Variants in WWOX observed in about 807,000 individuals in gnomAD.
The protein encoded by WWOX is WW domain containing oxidoreductase.
A neutral mutation model predicts 46.2 loss-of-function variants in WWOX; 69 were observed. That is an observed-to-expected ratio of 1.49 (90% CI 1.23 to 1.82). WWOX has a LOEUF of 1.82. WWOX is among the 40% of genes most tolerant of loss of function. The pLI, the probability that WWOX is intolerant of heterozygous loss-of-function variation, is 0.00. For missense variants in WWOX, 919 were observed against 542.6 expected (o/e 1.69, Z -6.89); for synonymous variants, 359 against 202.6 (o/e 1.77, Z -6.56).
chr16:78,670,394 G>C (rs939280852), intron 8 of WWOX, among the ~76,000 whole-genome samples: 1 of 152,188 alleles, frequency 6.6e-6, no homozygotes, highest in East Asian at 1.9e-4. Flanking sequence ...AGCATTATGA[G>C]CATTGCAGTG....
In WWOX at chr16:79,095,736, G is replaced by T. The variant is rs147107301; in HGVS notation, c.1057-115872G>T. Among the ~76,000 whole-genome samples, 32 of 152,140 alleles carry T rather than the reference G, an allele frequency of 2.1e-4. No individual in the cohort carries two copies. The Middle Eastern group carries it at 0.014, about 65-fold the overall frequency. On this transcript the variant is annotated intron_variant, in intron 8 of 8. Transcript: ENST00000566780. ...GTTCTTCTCAACGGAGTTTACATGT[G>T]AGAGGAGCAAGGGACAAACCTCACA...
intron 8 of WWOX, among the ~76,000 whole-genome samples, chr16:79,067,468 C>T (rs1482298990): frequency 6.6e-6 from 1 of 152,114 alleles, no homozygotes; most frequent in Non-Finnish European, 1.5e-5. Flanking sequence ...CTGAGATGCT[C>T]TTCTCGGCTC....
intron 8 of WWOX, among the ~76,000 whole-genome samples, chr16:78,584,814 A>G (rs2045153701): frequency 6.6e-6 from 1 of 152,230 alleles, no homozygotes; most frequent in Non-Finnish European, 1.5e-5. Context: ...GGCCGTGTGC[A>G]CGTGTAAAAG....
intron 8 of WWOX, among the ~76,000 whole-genome samples, chr16:78,883,471 C>T (rs572641188): frequency 2.0e-5 from 3 of 152,246 alleles, no homozygotes; most frequent in African/African-American, 7.2e-5. Flanking sequence ...TGCCCGAAAT[C>T]CCAGCATTGC....
intron 8 of WWOX, among the ~76,000 whole-genome samples, chr16:78,725,338 T>TC (rs2048800627): frequency 3.5e-5 from 4 of 115,638 alleles, no homozygotes; most frequent in Non-Finnish European, 5.1e-5. Flanking sequence ...TCTTTTCTTT[T>TC]CTTTTCTTTT....
chr16:78,963,777 C>G (rs1335012885), intron 8 of WWOX, among the ~76,000 whole-genome samples: 1 of 152,148 alleles, frequency 6.6e-6, no homozygotes, highest in Admixed American at 6.6e-5. Context: ...GTGCTACTGA[C>G]TTGCTGATAT....
chr16:78,306,091 G>A (rs559823608), intron 5 of WWOX, among the ~76,000 whole-genome samples: 5 of 151,894 alleles, frequency 3.3e-5, no homozygotes, highest in African/African-American at 7.3e-5. Flanking sequence ...AAGCATTTGC[G>A]TCTCGCTGCC....
intron 8 of WWOX, among the ~76,000 whole-genome samples, chr16:78,922,063 G>T (rs2045391599): frequency 6.6e-6 from 1 of 152,178 alleles, no homozygotes; most frequent in South Asian, 2.1e-4. Context: ...AGTATGCATG[G>T]AATATTGTCA....
chr16:78,798,358 A>T (rs1031923945), intron 8 of WWOX, among the ~76,000 whole-genome samples: 3 of 152,320 alleles, frequency 2.0e-5, no homozygotes, highest in Non-Finnish European at 4.4e-5. Flanking sequence ...TAGAGGTCAG[A>T]TGTCAAAAAA....
At chr16:78,169,927 G>C (rs1454575051) in intron 5 of WWOX, among the ~76,000 whole-genome samples, 3 of 152,170 alleles carry the variant, frequency 2.0e-5, no homozygotes, top group Non-Finnish European at 2.9e-5. Context: ...CATTAGTATA[G>C]CGAGGGGCCC....
chr16:79,118,749 TG>T (rs1330893511), intron 8 of WWOX, among the ~76,000 whole-genome samples: 1 of 152,242 alleles, frequency 6.6e-6, no homozygotes, highest in Admixed American at 6.5e-5. Context: ...TTGTGTTGTG[TG>T]GTGTTTGTCC....
intron 8 of WWOX, among the ~76,000 whole-genome samples, chr16:79,011,495 ATTTATTTATTTT>A (rs1277363806): frequency 5.6e-4 from 79 of 140,824 alleles, no homozygotes; most frequent in Admixed American, 1.1e-3. Context: ...TTATTTATTT[ATTTATTTATTTT>A]TTGAGACAGG....
At chr16:78,351,647 G>T (rs567088066) in intron 5 of WWOX, among the ~76,000 whole-genome samples, 11 of 152,124 alleles carry the variant, frequency 7.2e-5, no homozygotes, top group Admixed American at 2.6e-4. Context: ...GCCCTGCGTG[G>T]CTATGCATGT....
At chr16:78,709,487 A>C (rs1323179336) in intron 8 of WWOX, among the ~76,000 whole-genome samples, 3 of 152,124 alleles carry the variant, frequency 2.0e-5, no homozygotes, top group Admixed American at 6.5e-5. Context: ...TATTCTGTTC[A>C]TCTCTGACAC....
intron 8 of WWOX, among the ~76,000 whole-genome samples, chr16:78,672,489 A>G (rs2047490641): frequency 6.6e-6 from 1 of 152,180 alleles, no homozygotes; most frequent in Admixed American, 6.5e-5. Flanking sequence ...TCATTCAGGC[A>G]TGCACAGGTA....
intron 8 of WWOX, among the ~76,000 whole-genome samples, chr16:78,509,280 A>C (rs2085296970): frequency 6.6e-6 from 1 of 152,176 alleles, no homozygotes; most frequent in African/African-American, 2.4e-5. Flanking sequence ...CTCTACTAAA[A>C]AATACAAAAG....
Position 78,342,294 on chromosome 16 carries a change from TC to T in WWOX, c.517-44564del, listed in dbSNP as rs1291941734. 3.3e-5 allele frequency among the ~76,000 whole-genome samples: 4 copies of T among 120,504 alleles called. 2 individuals are homozygous for T. The highest frequency in any genetic ancestry group is 1.1e-4 in the African/African-American group (4 of 35,476). 79.1% of individuals were successfully genotyped at this position (120,504 alleles called of 152,430 possible). A position where few individuals can be genotyped will look rare whatever the true frequency, so the allele number is the denominator to read the frequency against. On this transcript the variant is annotated intron_variant, in intron 5 of 8. Coordinates refer to ENST00000566780, the MANE Select transcript of WWOX (RefSeq NM_016373.4). The stretch of plus-strand genomic sequence containing the variant: ...CTTCATACAACAAACGCTGATTTGT[TC>T]CTTTCATTACATATCCAGTGTGAGT...
chr16:79,087,651 C>G (rs977359791), intron 8 of WWOX, among the ~76,000 whole-genome samples: 2 of 152,112 alleles, frequency 1.3e-5, no homozygotes, highest in African/African-American at 4.8e-5. Context: ...GGCTGTTGGC[C>G]CATGGCAACA....
chr16:78,733,476 G>A (rs928104693), intron 8 of WWOX, among the ~76,000 whole-genome samples: 1 of 151,360 alleles, frequency 6.6e-6, no homozygotes, highest in African/African-American at 2.4e-5. Flanking sequence ...GGCTGGGCAT[G>A]GTGGCTCATG....
Sources: gnomAD v4.1 joint callset for allele counts (sites outside exome capture counted in the v4.1 genomes callset) on GRCh38, gnomAD v4.1.1 for gene constraint, MANE v1.5 for transcripts, NCBI Gene and HGNC (gene_info 2026-07-23, HGNC 2026-07-21) for gene names.